Variants in PCDHA2 observed in about 807,000 individuals in gnomAD.
PCDHA2 encodes the protein protocadherin alpha-2.
In PCDHA2, 58 loss-of-function variants were observed where a neutral mutation model predicts 66.0. The ratio of observed to expected loss-of-function variants is 0.88; its 90% CI spans 0.71 to 1.09. The LOEUF is 1.09. PCDHA2 is among the 50% of genes least tolerant of loss of function. The pLI is 0.00. For synonymous variants in PCDHA2, 634 were observed against 554.0 expected, an observed-to-expected ratio of 1.14 and a Z score of -2.03; for missense variants, 1,267 against 1,242.3, an observed-to-expected ratio of 1.02 and a Z score of -0.30.
intron 1 of PCDHA2, chr5:140,877,726 C>T (rs781814794): frequency 6.2e-7 from 1 of 1,614,174 alleles, no homozygotes; most frequent in African/African-American, 1.3e-5. Context: ...GTCTTACTCG[C>T]AGCAGAGGAG....
intron 1 of PCDHA2, among the ~76,000 whole-genome samples, chr5:140,921,678 A>C (rs2080326339): frequency 6.6e-6 from 1 of 152,222 alleles, no homozygotes; most frequent in South Asian, 2.1e-4. Context: ...AGTTATCATC[A>C]AACACTGGCC....
intron 1 of PCDHA2, chr5:140,857,702 G>C: frequency 6.3e-7 from 1 of 1,597,414 alleles, no homozygotes; most frequent in Non-Finnish European, 8.6e-7. Context: ...GACGCTGCAG[G>C]TGTTCGTGCT....
At chr5:140,970,884 A>G (rs1013057138) in intron 1 of PCDHA2, among the ~76,000 whole-genome samples, 1 of 152,218 alleles carries the variant, frequency 6.6e-6, no homozygotes, top group Admixed American at 6.5e-5. Context: ...GATTTTTCTC[A>G]TGGACATTTC....
rs1329189325 is a variant in PCDHA2, at chr5:141,010,310, G to C, written c.*373G>C. The C allele has an allele frequency of 6.5e-7, 1 of 1,547,658 alleles. No individual in the cohort carries two copies. The highest frequency in any genetic ancestry group is 8.7e-7 in the Non-Finnish European group (1 of 1,145,866). ...CTTGCAGGGCAGGCTGAAAAGTTTT[G>C]AGATTGAGCAGCTTGGGAGTTTGTG... On this transcript the variant is annotated 3_prime_UTR_variant, in exon 4 of 4. Coordinates refer to ENST00000526136, the MANE Select transcript of PCDHA2 (RefSeq NM_018905.3).
chr5:140,957,076 A>C (rs1554222802), intron 1 of PCDHA2, among the ~76,000 whole-genome samples: 1 of 152,174 alleles, frequency 6.6e-6, no homozygotes, highest in Non-Finnish European at 1.5e-5. Context: ...AGGGCTTTTT[A>C]TTAAGGAAAA....
At chr5:140,805,258 G>T in intron 1 of PCDHA2, 1 of 1,286,408 alleles carries the variant, frequency 7.8e-7, no homozygotes, top group South Asian at 2.6e-5. Context: ...TAAAATACCT[G>T]GTAAATGAAA....
intron 1 of PCDHA2, among the ~76,000 whole-genome samples, chr5:140,826,878 A>G (rs1769091228): frequency 6.6e-6 from 1 of 152,188 alleles, no homozygotes; most frequent in Non-Finnish European, 1.5e-5. Flanking sequence ...AATTCAATGA[A>G]AGCTGTACTC....
At chr5:140,851,713 T>C in intron 1 of PCDHA2, 1 of 961,328 alleles carries the variant, frequency 1.0e-6, no homozygotes, top group Non-Finnish European at 1.3e-6. Context: ...ATGTGAAGAT[T>C]CGAAACTTCG....
chr5:140,928,587 C>T, intron 1 of PCDHA2: 1 of 1,614,228 alleles, frequency 6.2e-7, no homozygotes. Flanking sequence ...ATGGTTCTGT[C>T]CCAGTGGAAA....
intron 1 of PCDHA2, among the ~76,000 whole-genome samples, chr5:140,871,905 G>A (rs1457249186): frequency 6.6e-6 from 1 of 152,124 alleles, no homozygotes; most frequent in Non-Finnish European, 1.5e-5. Flanking sequence ...GCAGAGTTTT[G>A]CCTTGATATT....
At chr5:140,914,481 G>A (rs549926889) in intron 1 of PCDHA2, among the ~76,000 whole-genome samples, 3 of 152,120 alleles carry the variant, frequency 2.0e-5, no homozygotes, top group Non-Finnish European at 4.4e-5. Context: ...TAGGTGAAGT[G>A]TTTCTTGTGG....
At chr5:140,941,317 CTCT>C (rs2093029316) in intron 1 of PCDHA2, among the ~76,000 whole-genome samples, 2 of 99,150 alleles carry the variant, frequency 2.0e-5, no homozygotes, top group Non-Finnish European at 4.2e-5. Flanking sequence ...TTTCTTCTTT[CTCT>C]TTTTTTTTTT....
chr5:140,904,873 G>C (rs1309196167), intron 1 of PCDHA2, among the ~76,000 whole-genome samples: 1 of 151,932 alleles, frequency 6.6e-6, no homozygotes, highest in Non-Finnish European at 1.5e-5. Flanking sequence ...TATGTCCTTA[G>C]CTCACTTTTT....
chr5:140,990,808 C>G (rs537926285), intron 3 of PCDHA2, among the ~76,000 whole-genome samples: 18 of 152,212 alleles, frequency 1.2e-4, no homozygotes, highest in Non-Finnish European at 2.4e-4. Context: ...ACAGAAGAAG[C>G]TCCCTTCTCT....
At chr5:140,841,942 G>C in intron 1 of PCDHA2, 1 of 1,613,920 alleles carries the variant, frequency 6.2e-7, no homozygotes, top group South Asian at 1.1e-5. Flanking sequence ...ACGCTCCTGC[G>C]CACCACTTAT....
intron 1 of PCDHA2, among the ~76,000 whole-genome samples, chr5:140,881,606 T>A (rs1554172306): frequency 6.6e-6 from 1 of 152,226 alleles, no homozygotes; most frequent in East Asian, 1.9e-4. Context: ...TAATATGATG[T>A]GCTTATTCAA....
chr5:140,809,381 T>A, intron 1 of PCDHA2: 1 of 1,613,878 alleles, frequency 6.2e-7, no homozygotes, highest in East Asian at 2.2e-5. Flanking sequence ...CGAGGGCGCG[T>A]GCGCTCCGGG....
chr5:140,879,596 A>G (rs1324407694), intron 1 of PCDHA2, among the ~76,000 whole-genome samples: 1 of 152,240 alleles, frequency 6.6e-6, no homozygotes, highest in East Asian at 1.9e-4. Flanking sequence ...TGAAAAGTGA[A>G]AAACAATGTG....
Position 140,797,200 on chromosome 5 carries a change from G to C in PCDHA2, c.2236G>C (p.Gly746Arg). The C allele has an allele frequency of 6.2e-7, 1 of 1,614,176 alleles. No individual in the cohort carries two copies. The highest frequency in any genetic ancestry group is 8.5e-7 in the Non-Finnish European group (1 of 1,180,042). The part of the protein sequence containing the change: ...KPTLVCSSAV[G>R]SWSYSQQRRQ... ...CACGCTGGTGTGCTCCAGCGCCGTGGGGAGCTGGTCTTACTCGCAGCAGAG... is the reference window on the plus strand; with the variant it reads ...CACGCTGGTGTGCTCCAGCGCCGTGCGGAGCTGGTCTTACTCGCAGCAGAG... Residue 746 changes from glycine (G) to arginine (R), a missense_variant, in exon 1 of 4, where the codon GGG (glycine) becomes CGG (arginine). Gly to Arg is a moderately radical substitution (Grantham distance 125). Coordinates refer to ENST00000526136, the MANE Select transcript of PCDHA2 (RefSeq NM_018905.3).
Sources: gnomAD v4.1 joint callset for allele counts (sites outside exome capture counted in the v4.1 genomes callset) on GRCh38, gnomAD v4.1.1 for gene constraint, MANE v1.5 for transcripts, NCBI Gene and HGNC (gene_info 2026-07-23, HGNC 2026-07-21) for gene names.